Variants in TRHDE observed in about 807,000 individuals in gnomAD.
TRHDE encodes thyrotropin releasing hormone degrading enzyme.
TRHDE carries 72 observed loss-of-function variants against 125.7 expected under a neutral mutation model. The ratio of observed to expected loss-of-function variants is 0.57; its 90% CI spans 0.47 to 0.70. TRHDE has a LOEUF of 0.70. Ranked by LOEUF, TRHDE falls within the 30% of genes least tolerant of loss-of-function variation. TRHDE has a pLI of 0.00. For synonymous variants in TRHDE, 509 were observed against 509.1 expected (o/e 1.00, Z 0.00); for missense variants, 1,110 against 1,327.1 (o/e 0.84, Z 2.54).
intron 5 of TRHDE, among the ~76,000 whole-genome samples, chr12:72,476,537 CT>C (rs1333200776): frequency 6.6e-6 from 1 of 152,120 alleles, no homozygotes; most frequent in Admixed American, 6.5e-5. Flanking sequence ...TGCGTAAAAG[CT>C]TGTCTGTAAG....
At position 72,130,234 on chromosome 12, in the gene TRHDE, C is replaced by G. The variant is rs558829361; in HGVS notation, n.279+24482C>G. 2.6e-5 allele frequency among the ~76,000 whole-genome samples: 4 copies of G among 152,214 alleles called. 1 individual carries two copies. Among genetic ancestry groups the G allele is most frequent in the African/African-American group, 9.6e-5 (4 of 41,530 alleles). ...GGTAGAATTGCTTGAACCCGGGAGG[C>G]GGAGGTTGCAGTGAGCCAAGATCAC... On this transcript the variant is annotated intron_variant and non_coding_transcript_variant, in intron 2 of 4. Transcript: ENST00000548156.
At chr12:72,268,610 T>C (rs941130684), upstream of TRHDE, among the ~76,000 whole-genome samples, 1 of 152,090 alleles carries the variant, frequency 6.6e-6, no homozygotes, top group Non-Finnish European at 1.5e-5. Flanking sequence ...GTGAAGAGAC[T>C]GAGTACCCGA....
chr12:72,655,207 G>T (rs1359279026), intron 17 of TRHDE, among the ~76,000 whole-genome samples: 1 of 151,950 alleles, frequency 6.6e-6, no homozygotes, highest in Non-Finnish European at 1.5e-5. Flanking sequence ...TGAGTAGCTG[G>T]GACTACAGAC....
At chr12:72,234,889 G>A (rs182450226) in intron 2 of TRHDE, among the ~76,000 whole-genome samples, 1 of 152,222 alleles carries the variant, frequency 6.6e-6, no homozygotes. Flanking sequence ...CATTTATTAA[G>A]TCTTTGCAAT....
At chr12:72,390,066 CTG>C in intron 3 of TRHDE, among the ~76,000 whole-genome samples, 1 of 152,296 alleles carries the variant, frequency 6.6e-6, no homozygotes, top group Middle Eastern at 3.4e-3. Flanking sequence ...GTTTAGGAGA[CTG>C]TGACAAGCTT....
chr12:72,174,406 G>A (rs2139337323), intron 2 of TRHDE, among the ~76,000 whole-genome samples: 1 of 152,226 alleles, frequency 6.6e-6, no homozygotes, highest in Admixed American at 6.5e-5. Context: ...GATAAAAATA[G>A]GAAATATAAC....
At chr12:72,149,970 A>G (rs1876320075) in intron 2 of TRHDE, among the ~76,000 whole-genome samples, 1 of 152,192 alleles carries the variant, frequency 6.6e-6, no homozygotes. Flanking sequence ...GCCTTTATAA[A>G]TAATACAGGT....
chr12:72,226,782 A>C (rs572231817), intron 2 of TRHDE, among the ~76,000 whole-genome samples: 8 of 152,242 alleles, frequency 5.3e-5, no homozygotes, highest in Non-Finnish European at 8.8e-5. Flanking sequence ...ACAGACAAAC[A>C]TAACCTCTAA....
intron 3 of TRHDE, among the ~76,000 whole-genome samples, chr12:72,420,823 A>G (rs1470150188): frequency 6.6e-6 from 1 of 152,196 alleles, no homozygotes. Context: ...CATACTCTCA[A>G]ACAAAATTCT....
At chr12:72,377,937 G>A (rs896232196) in intron 2 of TRHDE, 58 bp from the exon 3 acceptor site, 8 of 1,214,582 alleles carry the variant, frequency 6.6e-6, no homozygotes, top group African/African-American at 1.6e-5. Flanking sequence ...TATTTGCAGG[G>A]AAGATAAAAC....
intron 3 of TRHDE, among the ~76,000 whole-genome samples, chr12:72,455,874 T>C (rs1332187292): frequency 6.6e-6 from 1 of 151,966 alleles, no homozygotes; most frequent in Admixed American, 6.6e-5. Flanking sequence ...CCTGGAGTTA[T>C]ATAGGAGTAG....
intron 2 of TRHDE, among the ~76,000 whole-genome samples, chr12:72,354,350 A>G (rs1469007556): frequency 6.6e-6 from 1 of 151,622 alleles, no homozygotes; most frequent in East Asian, 1.9e-4. Context: ...AATAGGGAAT[A>G]AAAGGGAAAA....
intron 12 of TRHDE, among the ~76,000 whole-genome samples, chr12:72,595,526 T>G (rs1293864086): frequency 6.6e-6 from 1 of 152,120 alleles, no homozygotes; most frequent in Non-Finnish European, 1.5e-5. Flanking sequence ...TTTCACTTTT[T>G]ATATTATTCT....
At chr12:72,434,622 A>C (rs1479380773) in intron 3 of TRHDE, among the ~76,000 whole-genome samples, 1 of 152,154 alleles carries the variant, frequency 6.6e-6, no homozygotes, top group African/African-American at 2.4e-5. Flanking sequence ...TATTACAATA[A>C]GCCAATTTGG....
At chr12:72,226,757 A>G (rs2139371794) in intron 2 of TRHDE, among the ~76,000 whole-genome samples, 1 of 152,338 alleles carries the variant, frequency 6.6e-6, no homozygotes, top group Admixed American at 6.5e-5. Flanking sequence ...ATTTAGAAGT[A>G]CTCTAAAATG....
intron 2 of TRHDE, among the ~76,000 whole-genome samples, chr12:72,289,439 G>A (rs1347786854): frequency 6.6e-6 from 1 of 152,118 alleles, no homozygotes; most frequent in Non-Finnish European, 1.5e-5. Flanking sequence ...CATTCAGACT[G>A]AATCCAAGGC....
At chr12:72,550,787 G>A (rs1687267) in intron 7 of TRHDE, among the ~76,000 whole-genome samples, 147,316 of 152,018 alleles carry the variant, frequency 0.97, 71,399 homozygotes, top group East Asian at 1. Flanking sequence ...TCTCCAAAAT[G>A]TTAAACTAGT....
chr12:72,151,929 G>T, intron 2 of TRHDE, among the ~76,000 whole-genome samples: 1 of 151,426 alleles, frequency 6.6e-6, no homozygotes, highest in East Asian at 1.9e-4. Flanking sequence ...CCAATTCTGT[G>T]AAGAAAGTCA....
intron 3 of TRHDE, among the ~76,000 whole-genome samples, chr12:72,379,663 C>G (rs1202161007): frequency 6.6e-6 from 1 of 152,198 alleles, no homozygotes; most frequent in Non-Finnish European, 1.5e-5. Context: ...TCAGGGGGTT[C>G]CATGTAACTG....
Sources: gnomAD v4.1 joint callset for allele counts (sites outside exome capture counted in the v4.1 genomes callset) on GRCh38, gnomAD v4.1.1 for gene constraint, MANE v1.5 for transcripts, NCBI Gene and HGNC (gene_info 2026-07-23, HGNC 2026-07-21) for gene names.